The following CSMD1 variants were observed in gnomAD, a reference collection of about 807,000 sequenced individuals.
CSMD1 encodes the protein CUB and sushi domain-containing protein 1.
Under a neutral mutation model 417.5 loss-of-function variants are expected in CSMD1, and 213 were observed. That is an observed-to-expected ratio of 0.51 (90% CI 0.46 to 0.57). CSMD1 has a LOEUF of 0.57. CSMD1 is among the 20% of genes least tolerant of loss of function. The pLI, the probability that CSMD1 is intolerant of heterozygous loss-of-function variation, is 0.00. For synonymous variants in CSMD1, 2,862 were observed against 1,736.8 expected (o/e 1.65, Z -16.11); for missense variants, 6,923 against 4,529.7 (o/e 1.53, Z -15.17).
intron 1 of CSMD1, among the ~76,000 whole-genome samples, chr8:4,768,421 G>A (rs190666477): frequency 9.0e-4 from 137 of 152,282 alleles, no homozygotes; most frequent in African/African-American, 2.8e-3. Context: ...GGGTGTCAGC[G>A]ACTGTGTTAA....
intron 20 of CSMD1, among the ~76,000 whole-genome samples, chr8:3,363,619 C>T (rs2117736660): frequency 6.6e-6 from 1 of 152,076 alleles, no homozygotes; most frequent in East Asian, 1.9e-4. Context: ...GCTCCGCTTC[C>T]CGGGTTCACT....
At chr8:3,664,780 C>G (rs958751007) in intron 7 of CSMD1, among the ~76,000 whole-genome samples, 3 of 152,192 alleles carry the variant, frequency 2.0e-5, no homozygotes, top group Non-Finnish European at 4.4e-5. Context: ...CATCCTGACA[C>G]TGGTAAAACT....
chr8:3,755,792 G>A (rs1797622050), intron 5 of CSMD1, among the ~76,000 whole-genome samples: 1 of 152,072 alleles, frequency 6.6e-6, no homozygotes, highest in Non-Finnish European at 1.5e-5. Flanking sequence ...CAGTGTTTAT[G>A]CCACTGTTTG....
chr8:4,281,570 CT>C (rs1358296814), intron 3 of CSMD1, among the ~76,000 whole-genome samples: 1 of 152,120 alleles, frequency 6.6e-6, no homozygotes, highest in Non-Finnish European at 1.5e-5. Context: ...TGAGACTGTT[CT>C]TTTTCTGTTT....
At chr8:4,353,766 A>G (rs953620073) in intron 3 of CSMD1, among the ~76,000 whole-genome samples, 3 of 151,998 alleles carry the variant, frequency 2.0e-5, no homozygotes, top group African/African-American at 7.3e-5. Flanking sequence ...TGCCCTTCAC[A>G]CATTTGATTT....
At chr8:4,249,528 G>C (rs1802922226) in intron 3 of CSMD1, among the ~76,000 whole-genome samples, 1 of 152,184 alleles carries the variant, frequency 6.6e-6, no homozygotes. Flanking sequence ...CTACTGACGT[G>C]CACTGTGACT....
At chr8:3,247,801 A>G (rs1799983358) in intron 26 of CSMD1, among the ~76,000 whole-genome samples, 1 of 152,246 alleles carries the variant, frequency 6.6e-6, no homozygotes, top group Admixed American at 6.5e-5. Flanking sequence ...AGATTCACTA[A>G]GAATCACAAT....
chr8:4,465,131 G>C (rs1563204613), intron 2 of CSMD1, among the ~76,000 whole-genome samples: 1 of 152,112 alleles, frequency 6.6e-6, no homozygotes, highest in Non-Finnish European at 1.5e-5. Flanking sequence ...CCCATCTAAG[G>C]CTCAGAATAT....
intron 3 of CSMD1, among the ~76,000 whole-genome samples, chr8:4,233,205 T>C (rs1224884690): frequency 6.6e-6 from 1 of 152,192 alleles, no homozygotes; most frequent in Non-Finnish European, 1.5e-5. Flanking sequence ...ATCATTTTCT[T>C]CAATTTTTTC....
At chr8:3,030,403 T>C (rs1368724841) in intron 50 of CSMD1, among the ~76,000 whole-genome samples, 1 of 152,038 alleles carries the variant, frequency 6.6e-6, no homozygotes, top group Non-Finnish European at 1.5e-5. Context: ...GATTAATTTA[T>C]TGAGCTGGGA....
chr8:4,416,862 CAAAT>C (rs1796970151), intron 3 of CSMD1, among the ~76,000 whole-genome samples: 1 of 151,936 alleles, frequency 6.6e-6, no homozygotes. Context: ...AAACATTACA[CAAAT>C]AAAATTTATA....
At chr8:3,925,050 T>A (rs1809554089) in intron 5 of CSMD1, among the ~76,000 whole-genome samples, 1 of 152,200 alleles carries the variant, frequency 6.6e-6, no homozygotes, top group South Asian at 2.1e-4. Context: ...ATACTGTGGG[T>A]CTCTGCATCT....
intron 3 of CSMD1, among the ~76,000 whole-genome samples, chr8:4,074,374 G>C (rs991725046): frequency 6.6e-6 from 1 of 152,046 alleles, no homozygotes; most frequent in Non-Finnish European, 1.5e-5. Flanking sequence ...ATAAATGATA[G>C]CAGTATTTTC....
chr8:4,940,090 T>G (rs572322835), intron 1 of CSMD1, among the ~76,000 whole-genome samples: 2 of 152,218 alleles, frequency 1.3e-5, no homozygotes, highest in South Asian at 4.1e-4. Context: ...AAGTTGCATG[T>G]GAACTACCGG....
chr8:4,831,482 GAGTT>G (rs1441233045), intron 1 of CSMD1, among the ~76,000 whole-genome samples: 1 of 152,084 alleles, frequency 6.6e-6, no homozygotes, highest in African/African-American at 2.4e-5. Context: ...TATCATCTTA[GAGTT>G]TTGTCAAGAT....
At chr8:4,314,995 C>A (rs1390908327) in intron 3 of CSMD1, among the ~76,000 whole-genome samples, 1 of 152,256 alleles carries the variant, frequency 6.6e-6, no homozygotes, top group African/African-American at 2.4e-5. Flanking sequence ...GCTAATAGTA[C>A]TGACAGCCCC....
chr8:3,333,336 A>G (rs1458607292), intron 23 of CSMD1, among the ~76,000 whole-genome samples: 1 of 151,802 alleles, frequency 6.6e-6, no homozygotes, highest in East Asian at 1.9e-4. Flanking sequence ...TTACAGAGCA[A>G]TAGAAAACTA....
intron 26 of CSMD1, among the ~76,000 whole-genome samples, chr8:3,238,747 C>T (rs1365174411): frequency 6.6e-6 from 1 of 152,134 alleles, no homozygotes; most frequent in Admixed American, 6.5e-5. Flanking sequence ...CCCAGGACAT[C>T]TAATTAGAGA....
intron 5 of CSMD1, among the ~76,000 whole-genome samples, chr8:3,818,096 C>A (rs1311420023): frequency 6.6e-6 from 1 of 151,984 alleles, no homozygotes; most frequent in South Asian, 2.1e-4. Flanking sequence ...CAGCCTGGCA[C>A]CATGTTATTC....
Sources: gnomAD v4.1 joint callset for allele counts (sites outside exome capture counted in the v4.1 genomes callset) on GRCh38, gnomAD v4.1.1 for gene constraint, MANE v1.5 for transcripts, NCBI Gene and HGNC (gene_info 2026-07-23, HGNC 2026-07-21) for gene names.